BRINP1: variants seen among roughly 807,000 people sequenced by gnomAD.
The protein encoded by BRINP1 is BMP/retinoic acid inducible neural specific 1.
A neutral mutation model predicts 72.9 loss-of-function variants in BRINP1; 17 were observed. The ratio of observed to expected loss-of-function variants is 0.23; its 90% confidence interval spans 0.16 to 0.35. The LOEUF (loss-of-function observed/expected upper bound fraction) is 0.35. Among genes scored for constraint, BRINP1 ranks in the 10% least tolerant of loss-of-function variants. The pLI is 1.00. For synonymous variants in BRINP1, 418 were observed against 378.5 expected (o/e 1.10, Z -1.21); for missense variants, 850 against 1,001.6 (o/e 0.85, Z 2.04).
chr9:119,281,409 G>T (rs1180368568), intron 2 of BRINP1, among the ~76,000 whole-genome samples: 3 of 142,202 alleles, frequency 2.1e-5, no homozygotes, highest in Admixed American at 7.0e-5. Context: ...AATCACTTAG[G>T]CAGTGTGTAT....
intron 6 of BRINP1, among the ~76,000 whole-genome samples, chr9:119,212,388 A>T (rs1829938037): frequency 1.3e-5 from 2 of 152,238 alleles, no homozygotes; most frequent in South Asian, 4.1e-4. Flanking sequence ...AATAAACTCA[A>T]ATATTAAAAA....
At chr9:119,242,436 A>G (rs1266459798) in intron 3 of BRINP1, among the ~76,000 whole-genome samples, 1 of 152,176 alleles carries the variant, frequency 6.6e-6, no homozygotes. Context: ...AACCCCCAAC[A>G]ATAAAGTCCA....
intron 3 of BRINP1, among the ~76,000 whole-genome samples, chr9:119,246,721 T>C (rs1365093709): frequency 6.6e-6 from 1 of 152,156 alleles, no homozygotes; most frequent in African/African-American, 2.4e-5. Context: ...ACCTCCCTTC[T>C]CTCATACTGC....
chr9:119,234,617 T>A (rs1830176746), intron 5 of BRINP1, among the ~76,000 whole-genome samples: 1 of 152,166 alleles, frequency 6.6e-6, no homozygotes, highest in Non-Finnish European at 1.5e-5. Flanking sequence ...TGAACATAAA[T>A]TATAATTTTA....
chr9:119,311,499 CT>C (rs1382748652), intron 2 of BRINP1, among the ~76,000 whole-genome samples: 1 of 151,940 alleles, frequency 6.6e-6, no homozygotes, highest in African/African-American at 2.4e-5. Flanking sequence ...GCCTGGTCAC[CT>C]CTTTGCTACA....
intron 2 of BRINP1, among the ~76,000 whole-genome samples, chr9:119,292,716 A>T (rs1235894723): frequency 2.0e-5 from 3 of 152,212 alleles, no homozygotes; most frequent in Admixed American, 2.0e-4. Context: ...AGTACTTATC[A>T]TATGAACTGA....
chr9:119,244,719 T>C (rs1468640928), intron 3 of BRINP1, among the ~76,000 whole-genome samples: 1 of 152,220 alleles, frequency 6.6e-6, no homozygotes. Flanking sequence ...GGCTTCTTGC[T>C]GCATTATTAA....
intron 2 of BRINP1, among the ~76,000 whole-genome samples, chr9:119,256,851 A>G (rs534776208): frequency 6.6e-6 from 1 of 152,280 alleles, no homozygotes; most frequent in African/African-American, 2.4e-5. Context: ...TGATAAGTGG[A>G]GGGTTCTTTT....
At position 119,367,221 on chromosome 9, in the gene BRINP1, GATATATATAT is replaced by G. The variant is rs6151155; in HGVS notation, c.-51+1825_-51+1834del. On this transcript the variant is annotated intron_variant, in intron 1 of 7. Coordinates refer to ENST00000265922, the MANE Select transcript of BRINP1 (RefSeq NM_014618.3). ...TGTGTGTGTGTGTGTGTGTGTGATT[GATATATATAT>G]ATATATATATATCTTCCTAGAATAT... 2.3e-4 allele frequency among the ~76,000 whole-genome samples: 23 copies of G among 99,892 alleles called. 2 individuals carry two copies. The highest frequency in any genetic ancestry group is 9.8e-4 in the South Asian group (2 of 2,036). The allele number at this position is 99,892 out of a possible 152,430, so 65.5% of individuals were successfully genotyped here.
At chr9:119,198,527 T>C (rs1374430069) in intron 7 of BRINP1, among the ~76,000 whole-genome samples, 1 of 152,200 alleles carries the variant, frequency 6.6e-6, no homozygotes, top group Non-Finnish European at 1.5e-5. Context: ...TTTTCTTTAT[T>C]ATATGATTAC....
At chr9:119,307,797 G>C (rs919884472) in intron 2 of BRINP1, among the ~76,000 whole-genome samples, 1 of 152,142 alleles carries the variant, frequency 6.6e-6, no homozygotes, top group Non-Finnish European at 1.5e-5. Flanking sequence ...GCCAAATACT[G>C]TTACATAGTC....
chr9:119,264,689 T>C (rs891920198), intron 2 of BRINP1, among the ~76,000 whole-genome samples: 1 of 152,202 alleles, frequency 6.6e-6, no homozygotes, highest in Non-Finnish European at 1.5e-5. Flanking sequence ...TTTTTTGTTT[T>C]GAGACAGAGT....
intron 2 of BRINP1, among the ~76,000 whole-genome samples, chr9:119,288,357 T>G (rs1482973627): frequency 6.6e-6 from 1 of 152,116 alleles, no homozygotes; most frequent in East Asian, 1.9e-4. Flanking sequence ...TAAATTTTTT[T>G]TAACCATATC....
At chr9:119,309,778 C>A (rs568988825) in intron 2 of BRINP1, among the ~76,000 whole-genome samples, 2 of 152,148 alleles carry the variant, frequency 1.3e-5, no homozygotes, top group South Asian at 4.2e-4. Context: ...GTCCTTCACT[C>A]CTAACTCTGA....
At chr9:119,306,207 GGCATGGGAGCAAAGA>G (rs1185887198) in intron 2 of BRINP1, among the ~76,000 whole-genome samples, 1 of 152,170 alleles carries the variant, frequency 6.6e-6, no homozygotes, top group African/African-American at 2.4e-5. Flanking sequence ...GTTCAGTAAT[GGCATGGGAGCAAAGA>G]GGTAAAACAC....
At chr9:119,263,745 C>T (rs570743686) in intron 2 of BRINP1, among the ~76,000 whole-genome samples, 1 of 150,884 alleles carries the variant, frequency 6.6e-6, no homozygotes, top group East Asian at 2.0e-4. Flanking sequence ...GTAGCTGGGA[C>T]TACAGGTGCC....
At chr9:119,300,011 C>T (rs556774207) in intron 2 of BRINP1, among the ~76,000 whole-genome samples, 6 of 152,296 alleles carry the variant, frequency 3.9e-5, no homozygotes, top group Admixed American at 2.0e-4. Flanking sequence ...ACTATCAAAA[C>T]TTTTGACACT....
At chr9:119,366,676 C>T (rs774679350) in intron 1 of BRINP1, among the ~76,000 whole-genome samples, 9 of 151,392 alleles carry the variant, frequency 5.9e-5, no homozygotes, top group African/African-American at 1.7e-4. Context: ...GGAAGACAAG[C>T]GATTGTCTTG....
At chr9:119,181,535 T>C (rs1323677492) in intron 7 of BRINP1, among the ~76,000 whole-genome samples, 1 of 152,324 alleles carries the variant, frequency 6.6e-6, no homozygotes, top group South Asian at 2.1e-4. Context: ...GGATGGAATA[T>C]GCAAAGCTCT....
Sources: gnomAD v4.1 joint callset for allele counts (sites outside exome capture counted in the v4.1 genomes callset) on GRCh38, gnomAD v4.1.1 for gene constraint, MANE v1.5 for transcripts, NCBI Gene and HGNC (gene_info 2026-07-23, HGNC 2026-07-21) for gene names.